QTMAN: variants seen among roughly 807,000 people sequenced by gnomAD.
QTMAN encodes the protein queuosine-tRNA mannosyltransferase.
the QTMAN span, among the ~76,000 whole-genome samples, chr2:144,144,104 A>C: frequency 7.9e-5 from 12 of 152,074 alleles, no homozygotes; most frequent in Non-Finnish European, 1.2e-4. Context: ...GAGAAAAGCA[A>C]TGCTGAAAAA....
chr2:144,019,759 A>G, the QTMAN span, among the ~76,000 whole-genome samples: 1 of 152,130 alleles, frequency 6.6e-6, no homozygotes, highest in African/African-American at 2.4e-5. Context: ...AGTGAAGTGA[A>G]AGTACACCCA....
the QTMAN span, among the ~76,000 whole-genome samples, chr2:144,105,305 C>G: frequency 2.0e-5 from 3 of 152,176 alleles, no homozygotes; most frequent in Non-Finnish European, 2.9e-5. Flanking sequence ...TCAAACTTCT[C>G]CGAGCTAAAG....
the QTMAN span, among the ~76,000 whole-genome samples, chr2:144,329,861 T>G: frequency 6.6e-6 from 1 of 152,108 alleles, no homozygotes; most frequent in African/African-American, 2.4e-5. Flanking sequence ...CCCAACAAGA[T>G]CATAAGCATT....
At chr2:143,969,720 C>G in the QTMAN span, among the ~76,000 whole-genome samples, 2 of 152,234 alleles carry the variant, frequency 1.3e-5, no homozygotes, top group South Asian at 2.1e-4. Flanking sequence ...AACAGGCAAA[C>G]GTCCAAAGGT....
At chr2:143,958,550 T>G in the QTMAN span, among the ~76,000 whole-genome samples, 1 of 152,078 alleles carries the variant, frequency 6.6e-6, no homozygotes, top group Non-Finnish European at 1.5e-5. Flanking sequence ...TCATCTATAG[T>G]GTAAAAGCAG....
At chr2:144,269,827 T>TA in the QTMAN span, among the ~76,000 whole-genome samples, 9,842 of 143,450 alleles carry the variant, frequency 0.069, 387 homozygotes, top group South Asian at 0.17. Context: ...CCTCATTTAG[T>TA]AAAAAAAAAA....
chr2:144,133,195 ATATATATATT>A, the QTMAN span, among the ~76,000 whole-genome samples: 2 of 79,508 alleles, frequency 2.5e-5, no homozygotes, highest in African/African-American at 1.3e-4. Flanking sequence ...ATAAATTTAT[ATATATATATT>A]TATATATACA....
chr2:143,960,867 T>G, the QTMAN span, among the ~76,000 whole-genome samples: 3 of 152,178 alleles, frequency 2.0e-5, no homozygotes, highest in Non-Finnish European at 4.4e-5. Context: ...TTATTATGCT[T>G]ACGGGTTTCA....
At chr2:144,201,533 G>A in the QTMAN span, among the ~76,000 whole-genome samples, 1 of 152,152 alleles carries the variant, frequency 6.6e-6, no homozygotes. Context: ...ATTTAATCAA[G>A]GTTACAAGTA....
the QTMAN span, among the ~76,000 whole-genome samples, chr2:144,314,576 G>C: frequency 6.6e-6 from 1 of 152,132 alleles, no homozygotes; most frequent in East Asian, 1.9e-4. Flanking sequence ...AGCCGGGCAT[G>C]GTGGTGGGCA....
the QTMAN span, among the ~76,000 whole-genome samples, chr2:144,076,659 GA>G: frequency 6.6e-6 from 1 of 152,142 alleles, no homozygotes; most frequent in African/African-American, 2.4e-5. Flanking sequence ...TTACTTTGGG[GA>G]AAAAAGTGTA....
chr2:144,292,177 A>G, the QTMAN span, among the ~76,000 whole-genome samples: 1 of 152,184 alleles, frequency 6.6e-6, no homozygotes, highest in Non-Finnish European at 1.5e-5. Context: ...CCACTGCCTA[A>G]CAAGTAAGAT....
the QTMAN span, chr2:144,011,633 A>G: frequency 1.0e-4 from 97 of 936,168 alleles, no homozygotes; most frequent in African/African-American, 1.7e-3. Flanking sequence ...AAACTGTTCT[A>G]TGCTAGTAAA....
At chr2:144,077,793 T>C in the QTMAN span, among the ~76,000 whole-genome samples, 1 of 152,230 alleles carries the variant, frequency 6.6e-6, no homozygotes, top group Admixed American at 6.5e-5. Flanking sequence ...GTCTGAAACA[T>C]TATTTTAATT....
chr2:143,940,526 C>G, the QTMAN span: 1 of 152,228 alleles, frequency 6.6e-6, no homozygotes, highest in Non-Finnish European at 1.5e-5. Context: ...ATTCATATCT[C>G]AGGCATAAAT....
the QTMAN span, among the ~76,000 whole-genome samples, chr2:144,274,479 T>C: frequency 3.3e-5 from 5 of 152,214 alleles, no homozygotes; most frequent in East Asian, 1.9e-4. Context: ...CCCTGACCTT[T>C]TGGGAGGTGA....
At chr2:144,149,726 C>T in the QTMAN span, among the ~76,000 whole-genome samples, 1 of 152,090 alleles carries the variant, frequency 6.6e-6, no homozygotes, top group African/African-American at 2.4e-5. Flanking sequence ...TTCCAATACA[C>T]ATTGTATCTA....
the QTMAN span, among the ~76,000 whole-genome samples, chr2:144,186,966 A>G: frequency 2.0e-5 from 3 of 152,308 alleles, no homozygotes; most frequent in Admixed American, 2.0e-4. Flanking sequence ...AACTGTGTTA[A>G]TATTTGTCAT....
chr2:143,939,560 T>C, the QTMAN span: 1 of 152,210 alleles, frequency 6.6e-6, no homozygotes, highest in African/African-American at 2.4e-5. Context: ...TGTCCATAGC[T>C]TGAAACCCTG....
Sources: allele counts gnomAD v4.1 joint callset (sites outside exome capture counted in the v4.1 genomes callset), GRCh38; gene constraint gnomAD v4.1.1; transcripts MANE v1.5; gene names NCBI Gene and HGNC (gene_info 2026-07-23, HGNC 2026-07-21).